Variants in STIM1 observed in about 807,000 individuals in gnomAD.
STIM1 encodes stromal interaction molecule 1.
STIM1 carries 25 observed loss-of-function variants against 74.7 expected under a neutral mutation model. The observed-to-expected ratio is 0.33, with a 90% CI of 0.24 to 0.47. The LOEUF (loss-of-function observed/expected upper bound fraction) is 0.47, where lower values mean the gene tolerates loss of function less well. STIM1 is among the 20% of genes least tolerant of loss of function. The probability of loss-of-function intolerance (pLI) is 1.00; values close to 1 mark genes in which losing one functional copy is unlikely to be tolerated. For synonymous variants in STIM1, 328 were observed against 348.8 expected, an observed-to-expected ratio of 0.94 and a Z score of 0.66; for missense variants, 728 against 920.8, an observed-to-expected ratio of 0.79 and a Z score of 2.71.
chr11:4,018,477 A>AC (rs2093923099), intron 2 of STIM1, among the ~76,000 whole-genome samples: 2 of 147,730 alleles, frequency 1.4e-5, no homozygotes, highest in South Asian at 2.2e-4. Context: ...AAAAAAAAAA[A>AC]AAAAAAAAAC....
chr11:4,007,282 G>A (rs2093791932), intron 2 of STIM1, among the ~76,000 whole-genome samples: 1 of 152,190 alleles, frequency 6.6e-6, no homozygotes, highest in Non-Finnish European at 1.5e-5. Flanking sequence ...GAGAAGAGCT[G>A]CTTGTTCTAA....
At chr11:4,085,517 TG>T (rs2094488781) in intron 11 of STIM1, among the ~76,000 whole-genome samples, 1 of 152,250 alleles carries the variant, frequency 6.6e-6, no homozygotes, top group African/African-American at 2.4e-5. Context: ...GCTGGTTCTT[TG>T]TTGTTTATGT....
chr11:3,986,246 T>C (rs1303091818), intron 2 of STIM1, among the ~76,000 whole-genome samples: 4 of 152,114 alleles, frequency 2.6e-5, no homozygotes, highest in Non-Finnish European at 5.9e-5. Context: ...AGTTAATCCA[T>C]CTGAGGATGA....
intron 2 of STIM1, among the ~76,000 whole-genome samples, chr11:4,017,398 G>A (rs1472353255): frequency 6.6e-6 from 1 of 152,092 alleles, no homozygotes; most frequent in Non-Finnish European, 1.5e-5. Flanking sequence ...GTGTTTTGTG[G>A]CACCAGTAGG....
chr11:3,944,428 T>G (rs1017074934), intron 1 of STIM1, among the ~76,000 whole-genome samples: 1 of 152,176 alleles, frequency 6.6e-6, no homozygotes, highest in Admixed American at 6.5e-5. Context: ...CATGAGTATA[T>G]TTAAGCAGCC....
chr11:3,931,465 A>G lies in STIM1; in HGVS notation c.140-36087A>G, dbSNP rs539609573. ...AACCAGGGTGCTAAGTTCACCCTAG[A>G]TCTTGGACTCAGTTTTTTGGGTCCC... On this transcript the variant is annotated intron_variant, in intron 1 of 12. Transcript: ENST00000526596. Among the ~76,000 whole-genome samples, 4 of 152,242 alleles carry G rather than the reference A, an allele frequency of 2.6e-5. No individual in the cohort carries two copies. In the South Asian group the frequency reaches 8.3e-4, roughly 32 times the overall value.
intron 2 of STIM1, among the ~76,000 whole-genome samples, chr11:3,982,456 C>G (rs537703058): frequency 1.3e-5 from 2 of 152,296 alleles, no homozygotes; most frequent in South Asian, 2.1e-4. Flanking sequence ...AGCCTATGGT[C>G]TAGTTTATAG....
At chr11:3,983,772 A>G (rs1434727748) in intron 2 of STIM1, among the ~76,000 whole-genome samples, 1 of 152,122 alleles carries the variant, frequency 6.6e-6, no homozygotes, top group Non-Finnish European at 1.5e-5. Context: ...AATTCTGAAC[A>G]TAACTTTTCT....
chr11:4,029,677 G>C (rs897525933), intron 3 of STIM1, among the ~76,000 whole-genome samples: 10 of 152,100 alleles, frequency 6.6e-5, no homozygotes, highest in Admixed American at 2.6e-4. Flanking sequence ...TCTGATTCAG[G>C]GTTGGTTACC....
intron 3 of STIM1, among the ~76,000 whole-genome samples, chr11:4,036,735 C>T (rs890051639): frequency 6.6e-6 from 1 of 152,168 alleles, no homozygotes; most frequent in South Asian, 2.1e-4. Context: ...GTTTAAGTTC[C>T]TTGAGGACTC....
chr11:4,071,938 G>T (rs903384434), intron 6 of STIM1, among the ~76,000 whole-genome samples: 4 of 152,120 alleles, frequency 2.6e-5, no homozygotes, highest in African/African-American at 9.7e-5. Context: ...GGAGCAAGAG[G>T]GGTCTGATCT....
chr11:4,018,344 C>T (rs1229194472), intron 2 of STIM1, among the ~76,000 whole-genome samples: 9 of 145,422 alleles, frequency 6.2e-5, no homozygotes, highest in African/African-American at 7.6e-5. Flanking sequence ...CCCAGCTACT[C>T]GGGAGGCTGA....
chr11:3,895,624 TTC>T (rs1565104536), intron 1 of STIM1, among the ~76,000 whole-genome samples: 2 of 4,832 alleles, frequency 4.1e-4, no homozygotes, highest in Non-Finnish European at 1.1e-3. Flanking sequence ...CTTTCTTTCT[TTC>T]TTTCTTTCTT....
intron 2 of STIM1, among the ~76,000 whole-genome samples, chr11:4,017,512 A>C (rs867873122): frequency 6.6e-6 from 1 of 152,020 alleles, no homozygotes. Context: ...AAATGAGTCT[A>C]TTTCTTGTTG....
rs35236633 is a variant in STIM1 at position 3,894,905 on chromosome 11, A to ATTTT, written c.139+38516_139+38519dup. ...AGGCATGTGCCACCACGCCTGGCTAATTTTTTTTTTTTTTTTTTTTTTTAG... is the reference window on the plus strand; with the variant it reads ...AGGCATGTGCCACCACGCCTGGCTAATTTTTTTTTTTTTTTTTTTTTTTTTTTAG... On this transcript the variant is annotated intron_variant, in intron 1 of 12. Coordinates refer to ENST00000526596, the MANE Select transcript of STIM1 (RefSeq NM_001382567.1). Among the ~76,000 whole-genome samples, 714 of 113,182 alleles carry ATTTT rather than the reference A, an allele frequency of 6.3e-3. 14 individuals are homozygous for ATTTT. The highest frequency in any genetic ancestry group is 0.023 in the African/African-American group (625 of 27,702). 74.3% of individuals were successfully genotyped at this position (113,182 alleles called of 152,430 possible).
intron 4 of STIM1, among the ~76,000 whole-genome samples, chr11:4,056,266 A>G (rs534919664): frequency 6.6e-6 from 1 of 152,300 alleles, no homozygotes; most frequent in African/African-American, 2.4e-5. Flanking sequence ...CTGTTGTTTC[A>G]TAACTCTTTG....
chr11:3,920,367 C>T (rs2092702997), intron 1 of STIM1, among the ~76,000 whole-genome samples: 2 of 152,172 alleles, frequency 1.3e-5, no homozygotes, highest in Non-Finnish European at 2.9e-5. Flanking sequence ...CAGTCACACT[C>T]CCTATTCTCT....
At chr11:3,956,917 T>A (rs1358305441) in intron 1 of STIM1, among the ~76,000 whole-genome samples, 3 of 150,264 alleles carry the variant, frequency 2.0e-5, no homozygotes, top group Non-Finnish European at 4.4e-5. Context: ...ATTCAGCAAA[T>A]TCTCTATTGA....
chr11:3,909,801 A>AG (rs966354075), intron 1 of STIM1, among the ~76,000 whole-genome samples: 2 of 151,386 alleles, frequency 1.3e-5, no homozygotes, highest in Non-Finnish European at 2.9e-5. Context: ...CAAAGAAAAA[A>AG]AAAAAAGAAA....
Sources: gnomAD v4.1 joint callset for allele counts (sites outside exome capture counted in the v4.1 genomes callset) on GRCh38, gnomAD v4.1.1 for gene constraint, MANE v1.5 for transcripts, NCBI Gene and HGNC (gene_info 2026-07-23, HGNC 2026-07-21) for gene names.